The following PTPRQ variants were observed in gnomAD, a reference collection of about 807,000 sequenced individuals.
PTPRQ encodes the protein protein tyrosine phosphatase receptor type Q.
A neutral mutation model predicts 246.0 loss-of-function variants in PTPRQ; 199 were observed. That is an observed-to-expected ratio of 0.81 (90% CI 0.72 to 0.91). PTPRQ has a LOEUF of 0.91. PTPRQ is among the 40% of genes least tolerant of loss of function. The probability of loss-of-function intolerance (pLI) is 0.00; values close to 1 mark genes in which losing one functional copy is unlikely to be tolerated. For missense variants in PTPRQ, 2,624 were observed against 2,528.4 expected (o/e 1.04, Z -0.81); for synonymous variants, 869 against 853.2 (o/e 1.02, Z -0.32).
intron 26 of PTPRQ, among the ~76,000 whole-genome samples, chr12:80,603,779 A>T (rs1224649307): frequency 1.3e-5 from 2 of 151,514 alleles, no homozygotes; most frequent in East Asian, 1.9e-4. Context: ...GACTAGTGCA[A>T]TTCCCACCTT....
At chr12:80,649,490 A>G (rs1258765403) in intron 36 of PTPRQ, 98 bp from the exon 37 acceptor site, 2 of 1,423,082 alleles carry the variant, frequency 1.4e-6, no homozygotes, top group Non-Finnish European at 1.8e-6. Context: ...GGGGATGTCC[A>G]TTGTTCTTTA....
chr12:80,465,081 G>A (rs1380424939), intron 6 of PTPRQ: 4 of 125,982 alleles, frequency 3.2e-5, no homozygotes, highest in Non-Finnish European at 6.6e-5. Context: ...TTTTTTGAAA[G>A]GATCAACAAA....
chr12:80,448,481 G>A (rs900588299), intron 3 of PTPRQ, among the ~76,000 whole-genome samples: 14 of 151,952 alleles, frequency 9.2e-5, no homozygotes, highest in East Asian at 7.7e-4. Context: ...CCACTAACTC[G>A]TCATCTAGAA....
chr12:80,479,415 C>T (rs1358738721), intron 8 of PTPRQ, among the ~76,000 whole-genome samples: 6 of 151,772 alleles, frequency 4.0e-5, no homozygotes, highest in Non-Finnish European at 8.8e-5. Flanking sequence ...CCAGCCACTG[C>T]AAAATCATGC....
intron 25 of PTPRQ, among the ~76,000 whole-genome samples, chr12:80,575,302 T>A (rs531290944): frequency 2.6e-5 from 4 of 152,174 alleles, no homozygotes; most frequent in Admixed American, 2.0e-4. Context: ...AAAAATCTTT[T>A]GATCCAAGTG....
chr12:80,462,236 C>T (rs61950908), intron 6 of PTPRQ, among the ~76,000 whole-genome samples: 11,520 of 98,366 alleles, frequency 0.12, 2 homozygotes, highest in East Asian at 0.28. Context: ...TCAGGGGGTC[C>T]TACCCCCACG....
Position 80,658,191 on chromosome 12 carries a change from G to A in PTPRQ, c.6192+130G>A, listed in dbSNP as rs1185033. 0.23 allele frequency: 117,818 copies of A among 511,338 alleles called. 22,456 individuals are homozygous for A. Among genetic ancestry groups the A allele is most frequent in the African/African-American group, 0.76 (37,799 of 49,714 alleles). 31.7% of individuals were successfully genotyped at this position (511,338 alleles called of 1,614,324 possible). A position where few individuals can be genotyped will look rare whatever the true frequency, so the allele number is the denominator to read the frequency against. Reference sequence around the variant, plus strand: ...GATCTTAATATGCTAGTTATTTACAGCCACATTGTGTACCCTTATTTTATA... The same window carrying A: ...GATCTTAATATGCTAGTTATTTACAACCACATTGTGTACCCTTATTTTATA... On this transcript the variant is annotated intron_variant, in intron 39 of 44. Transcript: ENST00000644991.
Position 80,487,855 on chromosome 12 carries a change from G to A in PTPRQ, c.1359+3250G>A, listed in dbSNP as rs148070964. 7.6e-4 allele frequency among the ~76,000 whole-genome samples: 115 copies of A among 151,946 alleles called. No individual in the cohort carries two copies. In the Middle Eastern group the frequency reaches 0.01, roughly 14 times the overall value. On this transcript the variant is annotated intron_variant, in intron 9 of 44. Transcript: ENST00000644991. ...TTAGCAGCTTAAAACAATTATAATC[G>A]CGCAGTTTCTTTGGGTCAGATGTCT... is the stretch of plus-strand genomic sequence containing the variant.
intron 33 of PTPRQ, among the ~76,000 whole-genome samples, chr12:80,631,310 A>G (rs1274686552): frequency 6.6e-6 from 1 of 152,182 alleles, no homozygotes; most frequent in Non-Finnish European, 1.5e-5. Context: ...CTGTGACACA[A>G]GTTTATCTTA....
chr12:80,496,287 T>G lies in PTPRQ; in HGVS notation c.2028T>G (p.Asp676Glu), dbSNP rs1239597770. The change falls in exon 14 of 45, where the codon GAT becomes GAG. Residue 676 changes from aspartate to glutamate, a missense_variant. Transcript: ENST00000644991. ...ESSPQDVEVI[D>E]VTADEIRLKW... is the part of the protein sequence containing the mutation. ...CACCTCAAGATGTCGAAGTAATTGA[T>G]GTTACCGCAGATGAAATAAGGTTGA... The G allele has an allele frequency of 6.4e-7, 1 of 1,550,598 alleles. No individual in the cohort carries two copies. The highest frequency in any genetic ancestry group is 8.7e-7 in the Non-Finnish European group (1 of 1,146,458).
At chr12:80,624,053 T>A (rs1899102792) in intron 33 of PTPRQ, among the ~76,000 whole-genome samples, 1 of 152,130 alleles carries the variant, frequency 6.6e-6, no homozygotes, top group African/African-American at 2.4e-5. Context: ...GTAGCAGAAA[T>A]ACACAGTCAG....
intron 21 of PTPRQ, 70 bp from the exon 22 acceptor site, chr12:80,542,019 A>G (rs770396027): frequency 1.3e-4 from 201 of 1,499,474 alleles, no homozygotes; most frequent in Non-Finnish European, 1.7e-4. Flanking sequence ...AAATCCCATT[A>G]TGATTGAATC....
In PTPRQ at chr12:80,445,553, T is replaced by C; in HGVS notation, c.226T>C (p.Trp76Arg). 1.9e-6 allele frequency: 3 copies of C among 1,549,882 alleles called. No homozygotes were observed. The highest frequency in any genetic ancestry group is 2.6e-6 in the Non-Finnish European group (3 of 1,145,916). Residue 76 changes from tryptophan (W) to arginine (R), a missense_variant, in exon 3 of 45, where the codon TGG (tryptophan) becomes CGG (arginine). Transcript: ENST00000644991. ...RVGSAGILLS[W>R]NTPPNPNGRI... ...CGGATCTGCTGGGATTCTTCTGTCT[T>C]GGAATACACCACCTAATCCAAATGG...
intron 17 of PTPRQ, among the ~76,000 whole-genome samples, chr12:80,523,551 T>A (rs1336730183): frequency 6.6e-6 from 1 of 152,182 alleles, no homozygotes; most frequent in Non-Finnish European, 1.5e-5. Context: ...TCCCAGATAT[T>A]CTGGTATGTT....
At chr12:80,654,342 C>T (rs563302558) in intron 38 of PTPRQ, among the ~76,000 whole-genome samples, 3 of 152,170 alleles carry the variant, frequency 2.0e-5, no homozygotes, top group Admixed American at 2.0e-4. Flanking sequence ...TTTTTCAACG[C>T]ATCCTTTTAT....
chr12:80,557,828 T>A (rs1036407801), intron 25 of PTPRQ, among the ~76,000 whole-genome samples: 1 of 152,132 alleles, frequency 6.6e-6, no homozygotes, highest in Non-Finnish European at 1.5e-5. Flanking sequence ...TCCCTCAAGT[T>A]GCCTTTGCAT....
At chr12:80,676,753 G>A (rs898538506) in intron 43 of PTPRQ, among the ~76,000 whole-genome samples, 1 of 152,150 alleles carries the variant, frequency 6.6e-6, no homozygotes, top group Non-Finnish European at 1.5e-5. Context: ...TACTTTTAGT[G>A]CCTCAAGGAA....
chr12:80,477,180 A>G (rs1592555404), intron 8 of PTPRQ, among the ~76,000 whole-genome samples: 1 of 152,180 alleles, frequency 6.6e-6, no homozygotes, highest in African/African-American at 2.4e-5. Flanking sequence ...GAGTGAGGGC[A>G]CCTGAAATTT....
chr12:80,625,111 G>C (rs1420059787), intron 33 of PTPRQ, among the ~76,000 whole-genome samples: 1 of 152,116 alleles, frequency 6.6e-6, no homozygotes, highest in African/African-American at 2.4e-5. Context: ...ATTCTCCAAT[G>C]GTTAGTGGCA....
Sources: allele counts gnomAD v4.1 joint callset (sites outside exome capture counted in the v4.1 genomes callset), GRCh38; gene constraint gnomAD v4.1.1; transcripts MANE v1.5; gene names NCBI Gene and HGNC (gene_info 2026-07-23, HGNC 2026-07-21).